Variants in FBXO15 observed in about 807,000 individuals in gnomAD.
FBXO15 encodes F-box protein 15, also known as F-box only protein 15.
FBXO15 carries 30 observed loss-of-function variants against 49.5 expected under a neutral mutation model. The observed-to-expected ratio is 0.61, with a 90% CI of 0.45 to 0.82. FBXO15 has a LOEUF of 0.82. Among genes scored for constraint, FBXO15 ranks in the 40% least tolerant of loss-of-function variants. The pLI is 0.00. For synonymous variants in FBXO15, 250 were observed against 232.7 expected (o/e 1.07, Z -0.68); for missense variants, 591 against 631.5 (o/e 0.94, Z 0.69).
Position 74,123,451 on chromosome 18 carries a change from T to C in FBXO15, c.1055A>G (p.His352Arg), listed in dbSNP as rs1914557750. 1 of 1,614,024 alleles carries C rather than the reference T, an allele frequency of 6.2e-7. No individual in the cohort carries two copies. The highest frequency in any genetic ancestry group is 8.5e-7 in the Non-Finnish European group (1 of 1,179,964). The part of the protein sequence containing the change: ...FLDDSPEYGL[H>R]GYQLHVDLHS... ...CAGATCAACATGGAGTTGGTAGCCG[T>C]GCAGTCCATACTCGGGGCTATCATC... The change falls in exon 8 of 10, where the codon CAC becomes CGC. Residue 352 changes from histidine (H) to arginine (R), a missense_variant. Coordinates refer to ENST00000419743, the MANE Select transcript of FBXO15 (RefSeq NM_001142958.2).
At position 74,074,964 on chromosome 18, in the gene FBXO15, C is replaced by T. The variant is rs1912198128; in HGVS notation, c.1264-1234G>A. The stretch of plus-strand genomic sequence containing the variant: ...CAATGCACATACCTCCCTCACTCCC[C>T]TTGCAACACACCTTAGGGCCAGGTC... On this transcript the variant is annotated intron_variant, in intron 9 of 9. Transcript: ENST00000419743. This position sits in a 1 kb window ranked among gnomAD's most constrained non-coding sequence, Gnocchi z 4.7. Among the ~76,000 whole-genome samples, 1 of 152,210 alleles carries T rather than the reference C, an allele frequency of 6.6e-6. No individual in the cohort carries two copies. Among genetic ancestry groups the T allele is most frequent in the African/African-American group, 2.4e-5 (1 of 41,450 alleles).
intron 8 of FBXO15, among the ~76,000 whole-genome samples, chr18:74,110,843 A>G (rs759895155): frequency 6.6e-6 from 1 of 152,212 alleles, no homozygotes; most frequent in Non-Finnish European, 1.5e-5. Context: ...AAAGAGATCA[A>G]CTTTCCAAAA....
chr18:74,145,705 C>A (rs1979370068), intron 1 of FBXO15, among the ~76,000 whole-genome samples: 1 of 148,830 alleles, frequency 6.7e-6, no homozygotes. Context: ...TCACGCCATT[C>A]TCCTGCCTCA....
At chr18:74,102,048 G>GGCT (rs200510868) in intron 8 of FBXO15, among the ~76,000 whole-genome samples, 3,077 of 152,168 alleles carry the variant, frequency 0.02, 118 homozygotes, top group African/African-American at 0.069. Flanking sequence ...TCTAGACATT[G>GGCT]GCTTAGTCAA....
intron 9 of FBXO15, among the ~76,000 whole-genome samples, chr18:74,080,084 C>G (rs1912427276): frequency 6.6e-6 from 1 of 152,108 alleles, no homozygotes; most frequent in Non-Finnish European, 1.5e-5. Context: ...TTTTAAAAGT[C>G]ATATGTACCT....
intron 8 of FBXO15, among the ~76,000 whole-genome samples, chr18:74,104,915 G>A (rs1471216131): frequency 2.0e-5 from 3 of 152,102 alleles, no homozygotes; most frequent in Admixed American, 6.6e-5. Flanking sequence ...ATTAATCTAA[G>A]TGTAAATCAA....
Position 74,095,892 on chromosome 18 carries a change from C to A in FBXO15, c.1139-13841G>T, listed in dbSNP as rs553863239. The stretch of plus-strand genomic sequence containing the variant: ...AACAAATGCACAATGCTAAGATTAT[C>A]ACCAGAAATATTCCAGAACTCAAAC... On this transcript the variant is annotated intron_variant, in intron 8 of 9. Transcript: ENST00000419743. Among the ~76,000 whole-genome samples, 5 of 152,304 alleles carry A rather than the reference C, an allele frequency of 3.3e-5. No homozygotes were observed. In the East Asian group the frequency reaches 9.7e-4, roughly 29 times the overall value.
intron 7 of FBXO15, 104 bp from the exon 8 acceptor site, chr18:74,123,614 A>G: frequency 8.2e-7 from 1 of 1,215,476 alleles, no homozygotes; most frequent in Non-Finnish European, 1.1e-6. Flanking sequence ...TCAAAGCACT[A>G]CCTCCTACAA....
chr18:74,146,876 T>G (rs1166225214), intron 1 of FBXO15, among the ~76,000 whole-genome samples: 2 of 152,162 alleles, frequency 1.3e-5, no homozygotes, highest in Non-Finnish European at 2.9e-5. Flanking sequence ...ATGCATGACT[T>G]TCCCTATTTA....
Position 74,123,303 on chromosome 18 carries a change from T to A in FBXO15, c.1138+65A>T, listed in dbSNP as rs1319424122. ...GTGAGGGCAATTCTTAACTCGGACA[T>A]CAAAATTGGTTCCCTCACCTCAACC... On this transcript the variant is annotated intron_variant, in intron 8 of 9. Transcript: ENST00000419743. The A allele has an allele frequency of 2.6e-6, 4 of 1,538,312 alleles. No homozygotes were observed. In the East Asian group the frequency reaches 6.8e-5, roughly 26 times the overall value.
intron 8 of FBXO15, among the ~76,000 whole-genome samples, chr18:74,119,454 T>C (rs1428416928): frequency 1.3e-5 from 2 of 152,210 alleles, no homozygotes; most frequent in African/African-American, 2.4e-5. Flanking sequence ...ACATATAAAC[T>C]ACCTAAATAA....
chr18:74,093,108 CAT>C (rs1306502130), intron 8 of FBXO15, among the ~76,000 whole-genome samples: 1 of 152,160 alleles, frequency 6.6e-6, no homozygotes, highest in Non-Finnish European at 1.5e-5. Flanking sequence ...TGTCCATGCA[CAT>C]GTTTGTGCCA....
intron 8 of FBXO15, among the ~76,000 whole-genome samples, chr18:74,091,974 T>C (rs1425548816): frequency 6.6e-6 from 1 of 152,208 alleles, no homozygotes; most frequent in Non-Finnish European, 1.5e-5. Context: ...ATAAAATATG[T>C]TTTTCAAGGC....
chr18:74,120,609 G>A (rs553117796), intron 8 of FBXO15, among the ~76,000 whole-genome samples: 5 of 152,252 alleles, frequency 3.3e-5, no homozygotes, highest in African/African-American at 9.6e-5. Context: ...AAATTAGAAA[G>A]TATTTTAAAG....
chr18:74,126,114 T>C lies in FBXO15; in HGVS notation c.786-13A>G. The C allele has an allele frequency of 6.2e-7, 1 of 1,612,838 alleles. No individual in the cohort carries two copies. The highest frequency in any genetic ancestry group is 1.3e-5 in the African/African-American group (1 of 75,034). On this transcript the variant is annotated splice_polypyrimidine_tract_variant and intron_variant, in intron 5 of 9. Coordinates refer to ENST00000419743, the MANE Select transcript of FBXO15 (RefSeq NM_001142958.2). ...ATGCCATCGGAGTCTTTGAACGTTA[T>C]GCCAAGGAAAGGAGAGAGAGAAGTG...
At chr18:74,102,460 G>A (rs1913566115) in intron 8 of FBXO15, among the ~76,000 whole-genome samples, 1 of 152,098 alleles carries the variant, frequency 6.6e-6, no homozygotes, top group South Asian at 2.1e-4. Context: ...CATAACAGAT[G>A]CTGGCATTGA....
chr18:74,091,637 C>T (rs1302928651), intron 8 of FBXO15, among the ~76,000 whole-genome samples: 1 of 152,082 alleles, frequency 6.6e-6, no homozygotes, highest in Non-Finnish European at 1.5e-5. Flanking sequence ...TTTCTCTTTC[C>T]CTTATGAAGC....
At chr18:74,077,749 C>T (rs961762076) in intron 9 of FBXO15, among the ~76,000 whole-genome samples, 4 of 152,152 alleles carry the variant, frequency 2.6e-5, no homozygotes, top group Admixed American at 6.5e-5. Flanking sequence ...GGCAGGCAGC[C>T]GGAGCCCTCC....
chr18:74,131,384 G>A lies in FBXO15; in HGVS notation c.333-726C>T, dbSNP rs1978381647. On this transcript the variant is annotated intron_variant, in intron 3 of 9. Transcript: ENST00000419743. ...AGCTGGCCCAGGTCTGTGCACTCAA[G>A]TGTATAGTGAAGCTGGGATCGGAAC... 2.0e-5 allele frequency among the ~76,000 whole-genome samples: 3 copies of A among 152,156 alleles called. No individual in the cohort carries two copies. The South Asian group carries it at 6.2e-4, about 32-fold the overall frequency.
Sources: allele counts gnomAD v4.1 joint callset (sites outside exome capture counted in the v4.1 genomes callset), GRCh38; gene constraint gnomAD v4.1.1; non-coding constraint Gnocchi (gnomAD v3.1); transcripts MANE v1.5; gene names NCBI Gene and HGNC (gene_info 2026-07-23, HGNC 2026-07-21).